Variants in CNTN5 observed in about 807,000 individuals in gnomAD.
CNTN5 encodes contactin 5, also known as contactin-5.
CNTN5 carries 77 observed loss-of-function variants against 129.1 expected under a neutral mutation model. The ratio of observed to expected loss-of-function variants is 0.60; its 90% CI spans 0.50 to 0.72. The LOEUF is 0.72. Among genes scored for constraint, CNTN5 ranks in the 30% least tolerant of loss-of-function variants. The pLI is 0.00. For synonymous variants in CNTN5, 509 were observed against 465.6 expected (o/e 1.09, Z -1.20); for missense variants, 1,478 against 1,328.8 (o/e 1.11, Z -1.75).
intron 13 of CNTN5, among the ~76,000 whole-genome samples, chr11:100,164,964 ATATTTTTTACT>A (rs1565305256): frequency 6.6e-6 from 1 of 151,796 alleles, no homozygotes; most frequent in Non-Finnish European, 1.5e-5. Context: ...GTATAAATGT[ATATTTTTTACT>A]TATTTTTTAA....
intron 1 of CNTN5, among the ~76,000 whole-genome samples, chr11:99,310,365 T>TA (rs1865057332): frequency 6.6e-6 from 1 of 152,166 alleles, no homozygotes; most frequent in South Asian, 2.1e-4. Context: ...GAAAGACATT[T>TA]ATAATAGTAT....
intron 13 of CNTN5, among the ~76,000 whole-genome samples, chr11:100,172,384 T>C (rs542165369): frequency 6.6e-6 from 1 of 152,166 alleles, no homozygotes; most frequent in African/African-American, 2.4e-5. Flanking sequence ...TATTGTGTTA[T>C]TATGATACTC....
chr11:99,728,424 A>G (rs1565467357), intron 3 of CNTN5, among the ~76,000 whole-genome samples: 1 of 152,190 alleles, frequency 6.6e-6, no homozygotes, highest in South Asian at 2.1e-4. Context: ...AACAAAGACA[A>G]GAGTAGCTCT....
chr11:99,635,459 A>T (rs746105934), intron 3 of CNTN5, among the ~76,000 whole-genome samples: 4 of 148,446 alleles, frequency 2.7e-5, no homozygotes, highest in Admixed American at 7.0e-5. Flanking sequence ...CAAATGGTAG[A>T]TGATAAAATT....
At chr11:99,929,638 A>G (rs956524312) in intron 7 of CNTN5, among the ~76,000 whole-genome samples, 1 of 152,184 alleles carries the variant, frequency 6.6e-6, no homozygotes, top group Non-Finnish European at 1.5e-5. Flanking sequence ...AGCCCCTTAT[A>G]AAACCATCAG....
chr11:99,382,199 C>T (rs1200655816), intron 2 of CNTN5, among the ~76,000 whole-genome samples: 2 of 152,186 alleles, frequency 1.3e-5, no homozygotes, highest in African/African-American at 2.4e-5. Context: ...CCTTCCAGAA[C>T]GTGTTGCTAA....
intron 8 of CNTN5, among the ~76,000 whole-genome samples, chr11:99,987,883 T>C (rs983649740): frequency 6.6e-6 from 1 of 152,194 alleles, no homozygotes; most frequent in African/African-American, 2.4e-5. Context: ...GGGACTATCG[T>C]ATCTACCTTA....
At chr11:99,332,532 G>T (rs974358985) in intron 2 of CNTN5, among the ~76,000 whole-genome samples, 33 of 151,898 alleles carry the variant, frequency 2.2e-4, no homozygotes, top group African/African-American at 7.7e-4. Flanking sequence ...TACAAAGACA[G>T]TTTTTTTTAT....
chr11:99,389,718 G>A (rs1379820613), intron 2 of CNTN5, among the ~76,000 whole-genome samples: 3 of 152,066 alleles, frequency 2.0e-5, no homozygotes, highest in Non-Finnish European at 2.9e-5. Context: ...ATAAAATGTC[G>A]AAATATAGGC....
chr11:99,798,326 G>A (rs2135468645), intron 3 of CNTN5, among the ~76,000 whole-genome samples: 1 of 152,242 alleles, frequency 6.6e-6, no homozygotes, highest in South Asian at 2.1e-4. Flanking sequence ...TTGCATTTAA[G>A]GACATAGTGA....
intron 15 of CNTN5, among the ~76,000 whole-genome samples, chr11:100,202,121 A>G (rs1356059656): frequency 2.0e-5 from 3 of 152,058 alleles, no homozygotes; most frequent in Non-Finnish European, 4.4e-5. Flanking sequence ...TTGACAAAAC[A>G]AGAAAAAGAA....
intron 8 of CNTN5, among the ~76,000 whole-genome samples, chr11:99,957,477 A>T (rs933997992): frequency 2.0e-5 from 3 of 152,190 alleles, no homozygotes; most frequent in Non-Finnish European, 4.4e-5. Context: ...GAGCAGTTGG[A>T]ACTGTAACTT....
intron 1 of CNTN5, among the ~76,000 whole-genome samples, chr11:99,085,166 T>TC (rs1267089810): frequency 2.6e-5 from 4 of 152,064 alleles, no homozygotes; most frequent in African/African-American, 9.6e-5. Flanking sequence ...TGCTTCAGCC[T>TC]CCCCAGTAGC....
At chr11:99,288,974 A>G (rs1021328751) in intron 1 of CNTN5, among the ~76,000 whole-genome samples, 3 of 151,834 alleles carry the variant, frequency 2.0e-5, no homozygotes, top group African/African-American at 4.8e-5. Context: ...TCACAGAGCT[A>G]TCATAAAAGA....
intron 3 of CNTN5, among the ~76,000 whole-genome samples, chr11:99,731,227 C>T (rs1943522764): frequency 1.3e-5 from 2 of 152,154 alleles, no homozygotes; most frequent in South Asian, 4.2e-4. Flanking sequence ...CCTGCCTCAG[C>T]CTCCCGAGTA....
At chr11:100,334,959 AT>A (rs1447237014) in intron 21 of CNTN5, among the ~76,000 whole-genome samples, 10 of 139,552 alleles carry the variant, frequency 7.2e-5, no homozygotes, top group South Asian at 4.5e-4. Flanking sequence ...AAATTAGACA[AT>A]TTTTTTTTAA....
chr11:99,964,046 A>T (rs534148160), intron 8 of CNTN5, among the ~76,000 whole-genome samples: 1 of 152,314 alleles, frequency 6.6e-6, no homozygotes, highest in Admixed American at 6.5e-5. Context: ...TATCAGCTTA[A>T]GGAGATTTTG....
At position 99,309,300 on chromosome 11, in the gene CNTN5, T is replaced by TA. The variant is rs944672412; in HGVS notation, c.-209-16039dup. On this transcript the variant is annotated intron_variant, in intron 1 of 24. Transcript: ENST00000524871. The stretch of plus-strand genomic sequence containing the variant: ...AAATTCTGAATCATGGATCCTTCCT[T>TA]AAAAAAATGTTTCACTTTGTTCTGG... Among the ~76,000 whole-genome samples, 11 of 152,112 alleles carry TA rather than the reference T, an allele frequency of 7.2e-5. No homozygotes were observed. In the East Asian group the frequency reaches 1.9e-3, roughly 27 times the overall value.
chr11:100,286,380 TG>T (rs1950792415), intron 18 of CNTN5, among the ~76,000 whole-genome samples: 1 of 151,590 alleles, frequency 6.6e-6, no homozygotes, highest in Non-Finnish European at 1.5e-5. Flanking sequence ...AAGAGAGCAG[TG>T]GTTCTCCCAG....
Sources: gnomAD v4.1 joint callset for allele counts (sites outside exome capture counted in the v4.1 genomes callset) on GRCh38, gnomAD v4.1.1 for gene constraint, MANE v1.5 for transcripts, NCBI Gene and HGNC (gene_info 2026-07-23, HGNC 2026-07-21) for gene names.